Variants in PCDHGA6 observed in about 807,000 individuals in gnomAD.
The protein encoded by PCDHGA6 is protocadherin gamma subfamily A, 6, also known as protocadherin gamma-A6.
PCDHGA6 carries 41 observed loss-of-function variants against 60.6 expected under a neutral mutation model. The observed-to-expected ratio is 0.68, with a 90% CI of 0.53 to 0.88. The LOEUF is 0.88. Ranked by LOEUF, PCDHGA6 falls within the 40% of genes least tolerant of loss-of-function variation. The pLI is 0.00. For synonymous variants in PCDHGA6, 594 were observed against 524.4 expected (o/e 1.13, Z -1.81); for missense variants, 1,312 against 1,203.0 (o/e 1.09, Z -1.34).
In PCDHGA6 at chr5:141,486,727, T is replaced by C; in HGVS notation, c.2425-8080T>C. ...TGAACCCCCAGACAGGAGCTGTTCA[T>C]GCTACTCGATCCTTTGACTATGAGC... On this transcript the variant is annotated intron_variant, in intron 1 of 3. Transcript: ENST00000517434. The surrounding 1 kb of genome is among the most constrained non-coding windows in gnomAD (Gnocchi z 5.0). 6.2e-7 allele frequency: 1 copy of C among 1,614,232 alleles called. No homozygotes were observed. Among genetic ancestry groups the C allele is most frequent in the Non-Finnish European group, 8.5e-7 (1 of 1,180,044 alleles).
intron 1 of PCDHGA6, chr5:141,387,841 C>T: frequency 2.5e-6 from 4 of 1,597,678 alleles, no homozygotes; most frequent in Non-Finnish European, 3.4e-6. Flanking sequence ...TATTTGTAAC[C>T]CGGCGTCTCC....
At chr5:141,404,532 A>G in intron 1 of PCDHGA6, 1 of 1,613,918 alleles carries the variant, frequency 6.2e-7, no homozygotes, top group Non-Finnish European at 8.5e-7. Context: ...CAGTTTAGAG[A>G]TTTGCAAATG....
At position 141,511,262 on chromosome 5, in the gene PCDHGA6, G is replaced by A; in HGVS notation, c.*89G>A. 1 of 1,556,036 alleles carries A rather than the reference G, an allele frequency of 6.4e-7. No individual in the cohort carries two copies. The highest frequency in any genetic ancestry group is 8.7e-7 in the Non-Finnish European group (1 of 1,150,444). On this transcript the variant is annotated 3_prime_UTR_variant, in exon 4 of 4. Transcript: ENST00000517434. ...TGCACCCAGGCCTCAGAGTTTCAGG[G>A]CTAACCCCCAGAATACTGGTAGGGG...
Position 141,417,943 on chromosome 5 carries a change from G to C in PCDHGA6, c.2424+41436G>C, listed in dbSNP as rs772925118. ...TGCTGCTGCCTTTGTTCTACCCCAC[G>C]CTGTGTGAGCCGATCCGCTACTCGA... is the stretch of plus-strand genomic sequence containing the variant. On this transcript the variant is annotated intron_variant, in intron 1 of 3. Coordinates refer to ENST00000517434, the MANE Select transcript of PCDHGA6 (RefSeq NM_018919.3). The C allele has an allele frequency of 4.1e-5, 66 of 1,613,160 alleles. 1 individual carries two copies. The highest frequency in any genetic ancestry group is 1.8e-4 in the East Asian group (8 of 44,850).
intron 1 of PCDHGA6, chr5:141,409,887 TGCTGTAC>T: frequency 6.2e-7 from 1 of 1,613,062 alleles, no homozygotes; most frequent in Non-Finnish European, 8.5e-7. Flanking sequence ...GCACCGCGGG[TGCTGTAC>T]CCAGCTCTGG....
At position 141,384,373 on chromosome 5, in the gene PCDHGA6, G is replaced by A. The variant is rs916805364; in HGVS notation, c.2424+7866G>A. 27 of 1,613,764 alleles carry A rather than the reference G, an allele frequency of 1.7e-5. No homozygotes were observed. The highest frequency in any genetic ancestry group is 2.1e-5 in the Non-Finnish European group (25 of 1,179,894). ...TAATGCCCAGATCACTTATTCCTTGGCCGAAGACACCATCCAGGGGGCTCC... is the reference window on the plus strand; with the variant it reads ...TAATGCCCAGATCACTTATTCCTTGACCGAAGACACCATCCAGGGGGCTCC... On this transcript the variant is annotated intron_variant, in intron 1 of 3. Coordinates refer to ENST00000517434, the MANE Select transcript of PCDHGA6 (RefSeq NM_018919.3).
rs199952854 is a variant in PCDHGA6 at position 141,477,297 on chromosome 5, G to T, written c.2425-17510G>T. 4 of 1,614,176 alleles carry T rather than the reference G, an allele frequency of 2.5e-6. No individual in the cohort carries two copies. Among genetic ancestry groups the T allele is most frequent in the Non-Finnish European group, 3.4e-6 (4 of 1,180,040 alleles). On this transcript the variant is annotated intron_variant, in intron 1 of 3. Coordinates refer to ENST00000517434, the MANE Select transcript of PCDHGA6 (RefSeq NM_018919.3). The surrounding 1 kb of genome is among the most constrained non-coding windows in gnomAD (Gnocchi z 4.9). ...CTGGTGACCTGCGAAGTTCCACCGGGTCTCCCTTTCAGCCTTACTTCTTCC... is the reference window on the plus strand; with the variant it reads ...CTGGTGACCTGCGAAGTTCCACCGGTTCTCCCTTTCAGCCTTACTTCTTCC...
chr5:141,397,372 G>A (rs1014875277), intron 1 of PCDHGA6, among the ~76,000 whole-genome samples: 3 of 152,012 alleles, frequency 2.0e-5, no homozygotes, highest in Admixed American at 6.6e-5. Context: ...AGATGTTTGG[G>A]GATTGGTATA....
intron 1 of PCDHGA6, chr5:141,424,652 G>T (rs1392693867): frequency 6.6e-6 from 1 of 152,120 alleles, no homozygotes; most frequent in East Asian, 1.9e-4. Context: ...AAGGTATTTG[G>T]ACTTTAATTA....
chr5:141,376,212 T>C lies in PCDHGA6; in HGVS notation c.2129T>C (p.Val710Ala), dbSNP rs200049429. Reference protein sequence around the residue: ...VSCVFLAFVIVLLALRLQRWH... With the variant: ...VSCVFLAFVIALLALRLQRWH... ...TGCGTCTTCCTGGCCTTCGTCATCGTGCTGCTGGCGCTCAGACTGCAGCGC... is the reference window on the plus strand; with the variant it reads ...TGCGTCTTCCTGGCCTTCGTCATCGCGCTGCTGGCGCTCAGACTGCAGCGC... Residue 710 changes from valine to alanine, a missense_variant, in exon 1 of 4, where the codon GTG becomes GCG. Transcript: ENST00000517434. The C allele has an allele frequency of 1.9e-5, 31 of 1,614,098 alleles. No homozygotes were observed. Among genetic ancestry groups the C allele is most frequent in the Non-Finnish European group, 1.7e-6 (2 of 1,180,044 alleles).
chr5:141,466,068 G>C (rs1278308918), intron 1 of PCDHGA6, among the ~76,000 whole-genome samples: 4 of 152,080 alleles, frequency 2.6e-5, no homozygotes, highest in Admixed American at 2.6e-4. Flanking sequence ...CTTGCAGTGA[G>C]CTGATATCAT....
chr5:141,403,177 C>T, intron 1 of PCDHGA6: 3 of 1,614,008 alleles, frequency 1.9e-6, no homozygotes, highest in Non-Finnish European at 2.5e-6. Context: ...CGCAGCTTTT[C>T]TCTCTGAACC....
chr5:141,490,196 A>G lies in PCDHGA6; in HGVS notation c.2425-4611A>G, dbSNP rs748858034. On this transcript the variant is annotated intron_variant, in intron 1 of 3. Coordinates refer to ENST00000517434, the MANE Select transcript of PCDHGA6 (RefSeq NM_018919.3). The surrounding 1 kb of genome is among the most constrained non-coding windows in gnomAD (Gnocchi z 5.4). ...GAGGAGTCACGTTTCTATGAAATTCATGCAAGAGCCCGTGACCAGGGACAG... is the reference window on the plus strand; with the variant it reads ...GAGGAGTCACGTTTCTATGAAATTCGTGCAAGAGCCCGTGACCAGGGACAG... The G allele has an allele frequency of 3.7e-6, 6 of 1,614,196 alleles. No individual in the cohort carries two copies. The highest frequency in any genetic ancestry group is 4.2e-6 in the Non-Finnish European group (5 of 1,180,020).
rs1167295957 is a variant in PCDHGA6 at position 141,382,977 on chromosome 5, CT to C, written c.2424+6471del. On this transcript the variant is annotated intron_variant, in intron 1 of 3. Coordinates refer to ENST00000517434, the MANE Select transcript of PCDHGA6 (RefSeq NM_018919.3). Reference sequence around the variant, plus strand: ...TCCTCCTGGGGACCCCCTGGGAAGCCTGGGCAGGACGTATTCTCTACTCCGT... The same window carrying C: ...TCCTCCTGGGGACCCCCTGGGAAGCCGGGCAGGACGTATTCTCTACTCCGT... The C allele has an allele frequency of 4.3e-6, 7 of 1,610,566 alleles. No homozygotes were observed. The South Asian group carries it at 7.7e-5, about 18-fold the overall frequency.
At chr5:141,376,602 A>T in intron 1 of PCDHGA6, 95 bp downstream of exon 1, 1 of 1,521,112 alleles carries the variant, frequency 6.6e-7, no homozygotes, top group Non-Finnish European at 8.9e-7. Flanking sequence ...CTGTTATAGA[A>T]GCGAACCTCT....
rs761718852 is a variant in PCDHGA6, at chr5:141,432,440, G to A, written c.2424+55933G>A. ...GCTGGACCAGAACGACAATGCGCCCGAGATCCTGTACCCCGCCCTCCCCAC... is the reference window on the plus strand; with the variant it reads ...GCTGGACCAGAACGACAATGCGCCCAAGATCCTGTACCCCGCCCTCCCCAC... On this transcript the variant is annotated intron_variant, in intron 1 of 3. Transcript: ENST00000517434. The surrounding 1 kb of genome is among the most constrained non-coding windows in gnomAD (Gnocchi z 6.0). 1.3e-5 allele frequency: 21 copies of A among 1,614,226 alleles called. No homozygotes were observed. Among genetic ancestry groups the A allele is most frequent in the Non-Finnish European group, 1.6e-5 (19 of 1,180,048 alleles).
intron 1 of PCDHGA6, among the ~76,000 whole-genome samples, chr5:141,405,997 C>T (rs1589599248): frequency 6.6e-6 from 1 of 151,926 alleles, no homozygotes; most frequent in Non-Finnish European, 1.5e-5. Context: ...TAGCTCTCAG[C>T]CTGCATTGAT....
intron 1 of PCDHGA6, chr5:141,410,627 TTC>T: frequency 6.2e-7 from 1 of 1,602,046 alleles, no homozygotes; most frequent in Admixed American, 1.7e-5. Flanking sequence ...TTCGGTGAGT[TTC>T]TCTTTTTTGT....
chr5:141,414,870 G>A (rs1325555474), intron 1 of PCDHGA6: 1 of 1,614,224 alleles, frequency 6.2e-7, no homozygotes, highest in Non-Finnish European at 8.5e-7. Context: ...ATGCGCCCGA[G>A]ATCCTGTACC....
Sources: allele counts gnomAD v4.1 joint callset (sites outside exome capture counted in the v4.1 genomes callset), GRCh38; gene constraint gnomAD v4.1.1; non-coding constraint Gnocchi (gnomAD v3.1); transcripts MANE v1.5; gene names NCBI Gene and HGNC (gene_info 2026-07-23, HGNC 2026-07-21).